The following COL23A1 variants were observed in gnomAD, a reference collection of about 807,000 sequenced individuals.
COL23A1 encodes the protein collagen alpha-1(XXIII) chain.
Under a neutral mutation model 99.3 loss-of-function variants are expected in COL23A1, and 97 were observed. That is an observed-to-expected ratio of 0.98 (90% CI 0.83 to 1.16). The LOEUF (loss-of-function observed/expected upper bound fraction) is 1.16, where lower values mean the gene tolerates loss of function less well. Among genes scored for constraint, COL23A1 ranks in the 50% most tolerant of loss-of-function variants. COL23A1 has a pLI of 0.00. For synonymous variants in COL23A1, 320 were observed against 308.2 expected, an observed-to-expected ratio of 1.04 and a Z score of -0.40; for missense variants, 762 against 757.4, an observed-to-expected ratio of 1.01 and a Z score of -0.07.
intron 22 of COL23A1, among the ~76,000 whole-genome samples, chr5:178,247,161 T>C (rs572460712): frequency 6.9e-6 from 1 of 145,462 alleles, no homozygotes; most frequent in East Asian, 2.2e-4. Flanking sequence ...GAGAGACAGA[T>C]GTGTGTGGGG....
At chr5:178,409,021 C>CACACAT (rs1554161398) in intron 2 of COL23A1, among the ~76,000 whole-genome samples, 2 of 129,350 alleles carry the variant, frequency 1.5e-5, no homozygotes, top group Non-Finnish European at 1.6e-5. Context: ...CACACACACA[C>CACACAT]ATCATGTGGC....
intron 2 of COL23A1, among the ~76,000 whole-genome samples, chr5:178,540,756 T>C (rs116545702): frequency 0.012 from 1,775 of 152,120 alleles, 24 homozygotes; most frequent in Middle Eastern, 0.051. Context: ...ACTCCATCTC[T>C]ACAAAAAAAT....
intron 2 of COL23A1, among the ~76,000 whole-genome samples, chr5:178,390,480 A>G (rs577304362): frequency 1.3e-5 from 2 of 152,336 alleles, no homozygotes; most frequent in South Asian, 2.1e-4. Flanking sequence ...CCCCTGGCAC[A>G]GAACCCCCTC....
At chr5:178,259,527 C>T (rs1765510739) in intron 12 of COL23A1, among the ~76,000 whole-genome samples, 194 bp downstream of exon 12, 1 of 152,184 alleles carries the variant, frequency 6.6e-6, no homozygotes, top group Non-Finnish European at 1.5e-5. Context: ...GAATTCTGGC[C>T]TCAGGGAGAG....
chr5:178,459,755 C>T (rs750402458), intron 2 of COL23A1, among the ~76,000 whole-genome samples: 1 of 152,188 alleles, frequency 6.6e-6, no homozygotes, highest in Non-Finnish European at 1.5e-5. Context: ...AAGCAAGATG[C>T]TGTCTCAAAA....
intron 2 of COL23A1, among the ~76,000 whole-genome samples, chr5:178,441,693 C>A (rs1264354588): frequency 6.6e-6 from 1 of 152,126 alleles, no homozygotes; most frequent in Non-Finnish European, 1.5e-5. Flanking sequence ...AGTCAAGGAA[C>A]CCCTAACAGA....
rs545520649 is a variant in COL23A1 at position 178,360,677 on chromosome 5, C to T, written c.362-53758G>A. Reference sequence around the variant, plus strand: ...TTGGGTCATGAAACATAATATGTTTCGAATGAGAAACATACTAGAAACTTG... The same window carrying T: ...TTGGGTCATGAAACATAATATGTTTTGAATGAGAAACATACTAGAAACTTG... On this transcript the variant is annotated intron_variant, in intron 2 of 28. Coordinates refer to ENST00000390654, the MANE Select transcript of COL23A1 (RefSeq NM_173465.4). Among the ~76,000 whole-genome samples the T allele has an allele frequency of 3.0e-4, 45 of 152,304 alleles. 1 individual carries two copies. Among genetic ancestry groups the T allele is most frequent in the African/African-American group, 9.9e-4 (41 of 41,564 alleles).
At chr5:178,503,298 C>T (rs905121517) in intron 2 of COL23A1, among the ~76,000 whole-genome samples, 2 of 151,892 alleles carry the variant, frequency 1.3e-5, no homozygotes, top group Non-Finnish European at 2.9e-5. Flanking sequence ...TAAAGTGAGC[C>T]GAGATTGCAC....
chr5:178,343,020 G>A (rs747752335), intron 2 of COL23A1, among the ~76,000 whole-genome samples: 1 of 152,206 alleles, frequency 6.6e-6, no homozygotes, highest in Non-Finnish European at 1.5e-5. Context: ...TTTGAGTACC[G>A]AAGTGAACAC....
intron 4 of COL23A1, chr5:178,288,647 G>A (rs1413437817): frequency 1.5e-5 from 8 of 540,576 alleles, no homozygotes; most frequent in South Asian, 6.9e-5. Context: ...ACGTGGGGAC[G>A]TGGGGTTCTG....
chr5:178,320,778 T>C (rs1407191427), intron 2 of COL23A1, among the ~76,000 whole-genome samples: 3 of 152,226 alleles, frequency 2.0e-5, no homozygotes, highest in Non-Finnish European at 2.9e-5. Context: ...CTGATGTGCC[T>C]GGCCCTTGTC....
At chr5:178,388,372 T>C (rs1277795252) in intron 2 of COL23A1, among the ~76,000 whole-genome samples, 1 of 152,216 alleles carries the variant, frequency 6.6e-6, no homozygotes, top group Non-Finnish European at 1.5e-5. Flanking sequence ...AAAGGCCAGA[T>C]ATGCCTGTTG....
intron 2 of COL23A1, among the ~76,000 whole-genome samples, chr5:178,527,846 C>T (rs1760401533): frequency 6.6e-6 from 1 of 152,226 alleles, no homozygotes; most frequent in African/African-American, 2.4e-5. Flanking sequence ...CGTCTTGTTC[C>T]TCAGATACAG....
intron 5 of COL23A1, 91 bp downstream of exon 5, chr5:178,288,233 G>C: frequency 9.2e-7 from 1 of 1,087,184 alleles, no homozygotes; most frequent in East Asian, 2.3e-5. Context: ...GAAGAGACAG[G>C]AGCGCAGACA....
At chr5:178,416,249 C>T (rs1399451489) in intron 2 of COL23A1, among the ~76,000 whole-genome samples, 2 of 152,146 alleles carry the variant, frequency 1.3e-5, no homozygotes, top group Admixed American at 1.3e-4. Context: ...TGCCAGGGAC[C>T]CAATATAGAC....
chr5:178,495,576 AT>A (rs1329962610), intron 2 of COL23A1, among the ~76,000 whole-genome samples: 1 of 152,144 alleles, frequency 6.6e-6, no homozygotes, highest in Non-Finnish European at 1.5e-5. Flanking sequence ...GCACCAATGC[AT>A]GGAAAACAGA....
chr5:178,281,020 C>T lies in COL23A1; in HGVS notation c.441+7304G>A, dbSNP rs1015770884. On this transcript the variant is annotated intron_variant, in intron 5 of 28. Transcript: ENST00000390654. The surrounding 1 kb of genome is among the most constrained non-coding windows in gnomAD (Gnocchi z 4.0). Reference sequence around the variant, plus strand: ...GAGGCTGGACTCAAGAGACTTAGGGCCCTGGGGAGAACGGCCAGCATGGTG... The same window carrying T: ...GAGGCTGGACTCAAGAGACTTAGGGTCCTGGGGAGAACGGCCAGCATGGTG... 3.3e-5 allele frequency among the ~76,000 whole-genome samples: 5 copies of T among 152,156 alleles called. No homozygotes were observed. Among genetic ancestry groups the T allele is most frequent in the Non-Finnish European group, 5.9e-5 (4 of 68,024 alleles).
At chr5:178,523,201 T>TATATATATATAGAGAG (rs1223542330) in intron 2 of COL23A1, among the ~76,000 whole-genome samples, 107 of 77,564 alleles carry the variant, frequency 1.4e-3, no homozygotes, top group South Asian at 4.3e-3. Context: ...TATATATATA[T>TATATATATATAGAGAG]AGAGAGAGAG....
At position 178,262,098 on chromosome 5, in the gene COL23A1, G is replaced by A. The variant is rs377015152; in HGVS notation, c.675+119C>T. On this transcript the variant is annotated intron_variant, in intron 10 of 28. Transcript: ENST00000390654. ...TGCAGACACGTACATGCAGAGGCGC[G>A]CGCACACACATAAACATGTGCGCGT... 2.3e-4 allele frequency: 250 copies of A among 1,089,788 alleles called. 2 individuals are homozygous for A. In the East Asian group the frequency reaches 4.7e-3, roughly 21 times the overall value. The allele number at this position is 1,089,788 out of a possible 1,614,324, so 67.5% of individuals were successfully genotyped here.
Sources: gnomAD v4.1 joint callset for allele counts (sites outside exome capture counted in the v4.1 genomes callset) on GRCh38, gnomAD v4.1.1 for gene constraint, Gnocchi (gnomAD v3.1) non-coding constraint, MANE v1.5 for transcripts, NCBI Gene and HGNC (gene_info 2026-07-23, HGNC 2026-07-21) for gene names.